THEMIS: variants seen among roughly 807,000 people sequenced by gnomAD.
THEMIS encodes protein THEMIS.
In THEMIS, 37 loss-of-function variants were observed where a neutral mutation model predicts 52.6. The ratio of observed to expected loss-of-function variants is 0.70; its 90% CI spans 0.54 to 0.93. The LOEUF is 0.93. Ranked by LOEUF, THEMIS falls within the 40% of genes least tolerant of loss-of-function variation. The pLI is 0.00. For synonymous variants in THEMIS, 292 were observed against 272.7 expected, an observed-to-expected ratio of 1.07 and a Z score of -0.70; for missense variants, 808 against 763.1, an observed-to-expected ratio of 1.06 and a Z score of -0.69.
intron 1 of THEMIS, among the ~76,000 whole-genome samples, chr6:127,890,244 T>C (rs532152571): frequency 2.6e-5 from 4 of 152,184 alleles, no homozygotes; most frequent in Non-Finnish European, 5.9e-5. Context: ...GGTCACATGA[T>C]AATCAGCATT....
At chr6:127,792,751 A>G (rs950029558) in intron 4 of THEMIS, among the ~76,000 whole-genome samples, 2 of 152,206 alleles carry the variant, frequency 1.3e-5, no homozygotes, top group South Asian at 2.1e-4. Context: ...GTTTTGCAGC[A>G]TGGTCTGGCA....
At chr6:127,703,285 G>A (rs1773752111), downstream of THEMIS, among the ~76,000 whole-genome samples, 2 of 151,972 alleles carry the variant, frequency 1.3e-5, 1 homozygote, top group South Asian at 4.1e-4. Flanking sequence ...CTGACCTCGT[G>A]ATCCGCCCGC....
chr6:127,861,647 G>T (rs1251004572), intron 1 of THEMIS, among the ~76,000 whole-genome samples: 1 of 151,848 alleles, frequency 6.6e-6, no homozygotes, highest in African/African-American at 2.4e-5. Flanking sequence ...GCCGGTCATG[G>T]TGGTGGGTGC....
At chr6:127,828,981 A>G (rs1459073055) in intron 3 of THEMIS, among the ~76,000 whole-genome samples, 1 of 152,144 alleles carries the variant, frequency 6.6e-6, no homozygotes, top group East Asian at 1.9e-4. Context: ...TTCCCTTAAG[A>G]CAGAGGGGCT....
chr6:127,861,309 A>G (rs532927933), intron 1 of THEMIS, among the ~76,000 whole-genome samples: 2 of 152,284 alleles, frequency 1.3e-5, no homozygotes, highest in African/African-American at 2.4e-5. Context: ...CTTGTTCTCT[A>G]TTTCCATTTA....
intron 1 of THEMIS, among the ~76,000 whole-genome samples, chr6:127,866,606 C>T (rs1421146142): frequency 6.6e-6 from 1 of 151,920 alleles, no homozygotes; most frequent in Non-Finnish European, 1.5e-5. Context: ...CCCCATATTT[C>T]CGTATGTTTG....
At chr6:127,703,058 T>G in the THEMIS span, among the ~76,000 whole-genome samples, 11 of 126,286 alleles carry the variant, frequency 8.7e-5, no homozygotes, top group Admixed American at 6.2e-4. Flanking sequence ...TTTTTTTTTT[T>G]TTTTTTTGAG....
intron 4 of THEMIS, among the ~76,000 whole-genome samples, chr6:127,753,440 A>G (rs1775715570): frequency 6.6e-6 from 1 of 152,112 alleles, no homozygotes; most frequent in South Asian, 2.1e-4. Flanking sequence ...ATACTTAAGA[A>G]TAAAATTAAC....
intron 2 of THEMIS, among the ~76,000 whole-genome samples, chr6:127,843,260 A>T (rs1779109843): frequency 1.3e-5 from 2 of 151,874 alleles, no homozygotes; most frequent in Non-Finnish European, 1.5e-5. Flanking sequence ...ACGTTGATTG[A>T]CAAAAATATC....
At chr6:127,736,678 T>C (rs1483008969) in intron 4 of THEMIS, among the ~76,000 whole-genome samples, 4 of 152,138 alleles carry the variant, frequency 2.6e-5, no homozygotes, top group Non-Finnish European at 4.4e-5. Flanking sequence ...TAAAGACTCA[T>C]CATTTTCAGA....
intron 4 of THEMIS, among the ~76,000 whole-genome samples, chr6:127,727,756 T>A (rs1774601182): frequency 6.6e-6 from 1 of 152,122 alleles, no homozygotes; most frequent in Non-Finnish European, 1.5e-5. Context: ...GCTACCAAAG[T>A]GTTGCTAAAA....
In THEMIS at chr6:127,834,064, T is replaced by C. The variant is rs531778410; in HGVS notation, c.251-4130A>G. Among the ~76,000 whole-genome samples the C allele has an allele frequency of 5.0e-4, 76 of 152,242 alleles. 1 individual carries two copies. The highest frequency in any genetic ancestry group is 1.7e-3 in the African/African-American group (72 of 41,548). On this transcript the variant is annotated intron_variant, in intron 2 of 5. Transcript: ENST00000368248. The stretch of plus-strand genomic sequence containing the variant: ...TCACTGAACATCATCAACTAATGAG[T>C]GACTCCAACAATCTTCAAAGAAGAG...
At chr6:127,812,521 T>C (rs1345075242) in intron 4 of THEMIS, among the ~76,000 whole-genome samples, 1 of 152,120 alleles carries the variant, frequency 6.6e-6, no homozygotes, top group African/African-American at 2.4e-5. Context: ...GATGAGGTAT[T>C]AAATTTTACT....
At position 127,883,316 on chromosome 6, in the gene THEMIS, T is replaced by C. The variant is rs944222543; in HGVS notation, c.91+17526A>G. On this transcript the variant is annotated intron_variant, in intron 1 of 5. Coordinates refer to ENST00000368248, the MANE Select transcript of THEMIS (RefSeq NM_001010923.3). Reference sequence around the variant, plus strand: ...ATCCCTATAGCAGAGGTTGGTGATATGACAAACAGGAGACCCTAAAAAAAT... The same window carrying C: ...ATCCCTATAGCAGAGGTTGGTGATACGACAAACAGGAGACCCTAAAAAAAT... Among the ~76,000 whole-genome samples the C allele has an allele frequency of 9.3e-4, 141 of 151,926 alleles. 1 individual carries two copies. The highest frequency in any genetic ancestry group is 3.3e-3 in the African/African-American group (139 of 41,506).
chr6:127,829,475 C>T lies in THEMIS; in HGVS notation c.709+1G>A. 1 of 1,593,380 alleles carries T rather than the reference C, an allele frequency of 6.3e-7. No individual in the cohort carries two copies. Among genetic ancestry groups the T allele is most frequent in the Non-Finnish European group, 8.5e-7 (1 of 1,171,120 alleles). On this transcript the variant is annotated splice_donor_variant, in intron 3 of 5. Transcript: ENST00000368248. LOFTEE classifies it high-confidence loss of function. The stretch of plus-strand genomic sequence containing the variant: ...GAACATCATTCTCAGTGGATACTCA[C>T]ATTTCATCACACCTTGAATTTCATA...
At chr6:127,707,788 T>C (rs182243563), downstream of THEMIS, among the ~76,000 whole-genome samples, 6 of 152,242 alleles carry the variant, frequency 3.9e-5, no homozygotes, top group Admixed American at 3.3e-4. Flanking sequence ...ATGTTGACTC[T>C]AATCTTAAAG....
chr6:127,756,140 T>C lies in THEMIS; in HGVS notation c.1759-36317A>G, dbSNP rs114603664. 3.2e-3 allele frequency among the ~76,000 whole-genome samples: 484 copies of C among 152,300 alleles called. 4 individuals carry two copies. Among genetic ancestry groups the C allele is most frequent in the African/African-American group, 0.011 (468 of 41,572 alleles). ...TTCTAAAAATCTACATGTAAAAGTA[T>C]TGGTATGCAAGTAAGTACTCATTTG... On this transcript the variant is annotated intron_variant, in intron 4 of 5. Transcript: ENST00000368248.
chr6:127,816,504 C>T (rs1006448224), intron 3 of THEMIS, among the ~76,000 whole-genome samples: 1 of 152,130 alleles, frequency 6.6e-6, no homozygotes, highest in African/African-American at 2.4e-5. Flanking sequence ...CCAGACTCAG[C>T]TATTGGAAAC....
At chr6:127,800,628 T>C (rs974147386) in intron 4 of THEMIS, among the ~76,000 whole-genome samples, 1 of 152,218 alleles carries the variant, frequency 6.6e-6, no homozygotes, top group African/African-American at 2.4e-5. Context: ...GGTTAACGTT[T>C]GAGTCAGTGG....
Sources: gnomAD v4.1 joint callset for allele counts (sites outside exome capture counted in the v4.1 genomes callset) on GRCh38, gnomAD v4.1.1 for gene constraint, MANE v1.5 for transcripts, NCBI Gene and HGNC (gene_info 2026-07-23, HGNC 2026-07-21) for gene names.